COG5: variants seen among roughly 807,000 people sequenced by gnomAD.
COG5 encodes the protein conserved oligomeric Golgi complex subunit 5.
COG5 carries 86 observed loss-of-function variants against 110.4 expected under a neutral mutation model. That is an observed-to-expected ratio of 0.78 (90% CI 0.65 to 0.93). The LOEUF is 0.93. Among genes scored for constraint, COG5 ranks in the 40% least tolerant of loss-of-function variants. The probability of loss-of-function intolerance (pLI) is 0.00; values close to 1 mark genes in which losing one functional copy is unlikely to be tolerated. For synonymous variants in COG5, 360 were observed against 334.6 expected (o/e 1.08, Z -0.83); for missense variants, 1,077 against 987.0 (o/e 1.09, Z -1.22).
At chr7:107,247,260 C>G (rs1802128601) in intron 17 of COG5, among the ~76,000 whole-genome samples, 1 of 152,084 alleles carries the variant, frequency 6.6e-6, no homozygotes, top group Non-Finnish European at 1.5e-5. Context: ...GAAATGATAA[C>G]TACAGGGTAC....
At chr7:107,320,143 T>C (rs181452953) in intron 11 of COG5, among the ~76,000 whole-genome samples, 70 of 152,278 alleles carry the variant, frequency 4.6e-4, no homozygotes, top group South Asian at 1.0e-3. Flanking sequence ...ATAGACAAGA[T>C]AAAAAATTGT....
chr7:107,451,423 T>C (rs1200879100), intron 6 of COG5, among the ~76,000 whole-genome samples: 1 of 152,174 alleles, frequency 6.6e-6, no homozygotes, highest in Admixed American at 6.5e-5. Context: ...CATGGACCCT[T>C]CCATGTTACA....
intron 11 of COG5, among the ~76,000 whole-genome samples, chr7:107,317,535 A>G (rs1808867748): frequency 6.6e-6 from 1 of 152,198 alleles, no homozygotes; most frequent in Admixed American, 6.5e-5. Context: ...TTCACAGGGT[A>G]ATAATTTGAG....
chr7:107,541,728 C>T (rs1436985771), intron 5 of COG5, among the ~76,000 whole-genome samples: 2 of 150,328 alleles, frequency 1.3e-5, no homozygotes, highest in African/African-American at 4.9e-5. Context: ...GTCAGAAGTT[C>T]GAGACCAGCC....
Position 107,474,937 on chromosome 7 carries a change from G to C in COG5, c.538+52300C>G. The C allele has an allele frequency of 6.2e-7, 1 of 1,612,754 alleles. No homozygotes were observed. Among genetic ancestry groups the C allele is most frequent in the Non-Finnish European group, 8.5e-7 (1 of 1,179,368 alleles). On this transcript the variant is annotated intron_variant, in intron 6 of 21. Transcript: ENST00000297135. The surrounding 1 kb of genome is among the most constrained non-coding windows in gnomAD (Gnocchi z 5.7). ...AAGAACTTCAGTTTCTGTAATAATT[G>C]CCCTCCGGCGAGCTGTGAAACGACA...
chr7:107,366,162 T>A (rs1813593430), intron 8 of COG5, among the ~76,000 whole-genome samples: 1 of 151,692 alleles, frequency 6.6e-6, no homozygotes, highest in Non-Finnish European at 1.5e-5. Context: ...ATTATAGAAA[T>A]AAGGACCATA....
chr7:107,236,301 CTT>C (rs200299037), intron 18 of COG5, 147 bp downstream of exon 18: 32 of 571,416 alleles, frequency 5.6e-5, no homozygotes, highest in Middle Eastern at 4.1e-4. Flanking sequence ...TAAACTCTCC[CTT>C]TTTTTTTTTA....
intron 6 of COG5, among the ~76,000 whole-genome samples, chr7:107,488,442 A>G (rs1418474120): frequency 2.6e-5 from 4 of 152,154 alleles, no homozygotes; most frequent in African/African-American, 9.6e-5. Flanking sequence ...GCTTTCTGTT[A>G]TCTTTTATTT....
At chr7:107,296,235 T>A (rs960638010) in intron 12 of COG5, among the ~76,000 whole-genome samples, 1 of 151,662 alleles carries the variant, frequency 6.6e-6, no homozygotes, top group Admixed American at 6.6e-5. Flanking sequence ...ATATATTCAT[T>A]TTACATAAAA....
intron 6 of COG5, among the ~76,000 whole-genome samples, chr7:107,444,254 G>A (rs776904766): frequency 3.9e-5 from 6 of 152,094 alleles, no homozygotes; most frequent in Non-Finnish European, 8.8e-5. Flanking sequence ...CAGTAAACTG[G>A]CTGGTTGCAG....
intron 12 of COG5, among the ~76,000 whole-genome samples, chr7:107,286,670 A>G (rs1805656851): frequency 6.6e-6 from 1 of 152,210 alleles, no homozygotes; most frequent in Non-Finnish European, 1.5e-5. Context: ...TTACCCTAAG[A>G]GAAAACCACT....
At chr7:107,204,012 T>C (rs2116093265) in intron 21 of COG5, among the ~76,000 whole-genome samples, 1 of 152,356 alleles carries the variant, frequency 6.6e-6, no homozygotes, top group Non-Finnish European at 1.5e-5. Context: ...CCTGCGCCTC[T>C]GAAAGGCACG....
At chr7:107,560,570 GAATTCATAATTTACA>G (rs1206693580) in intron 1 of COG5, among the ~76,000 whole-genome samples, 2 of 152,108 alleles carry the variant, frequency 1.3e-5, no homozygotes, top group African/African-American at 4.8e-5. Context: ...TGCCTCCAAG[GAATTCATAATTTACA>G]AGGGGAACAA....
At chr7:107,401,343 T>C (rs1263349494) in intron 7 of COG5, among the ~76,000 whole-genome samples, 2 of 152,168 alleles carry the variant, frequency 1.3e-5, no homozygotes, top group Non-Finnish European at 2.9e-5. Context: ...GTACATATTA[T>C]GTAACTATTA....
At chr7:107,524,556 G>A (rs1018441906) in intron 6 of COG5, among the ~76,000 whole-genome samples, 2 of 152,176 alleles carry the variant, frequency 1.3e-5, no homozygotes, top group Admixed American at 6.5e-5. Flanking sequence ...GTGTATAACT[G>A]TAATAGTGAC....
rs1161117992 is a variant in COG5 at position 107,558,114 on chromosome 7, C to T, written c.96G>A (p.Gly32=). ...CTTCGTTTAAAAAGTCACTATAACACCCTGGATTGGGGAAAAAATAAGGAA... is the reference window on the plus strand; with the variant it reads ...CTTCGTTTAAAAAGTCACTATAACATCCTGGATTGGGGAAAAAATAAGGAA... ...AATVRELLQD[G]CYSDFLNEDF... The change falls in exon 2 of 22, where the codon GGG becomes GGA. Residue 32 remains glycine (G), a splice_region_variant and synonymous_variant. Coordinates refer to ENST00000297135, the MANE Select transcript of COG5 (RefSeq NM_006348.5). 11 of 1,613,410 alleles carry T rather than the reference C, an allele frequency of 6.8e-6. No individual in the cohort carries two copies.
intron 21 of COG5, among the ~76,000 whole-genome samples, chr7:107,206,867 A>ACTT (rs1798822680): frequency 6.6e-6 from 1 of 152,216 alleles, no homozygotes; most frequent in East Asian, 1.9e-4. Context: ...TTATTAAATT[A>ACTT]CTTCATTTGC....
intron 10 of COG5, among the ~76,000 whole-genome samples, chr7:107,343,654 G>A (rs1399840436): frequency 2.0e-5 from 3 of 152,012 alleles, no homozygotes; most frequent in South Asian, 2.1e-4. Context: ...GCACTCCCAC[G>A]TAGAAGACAG....
intron 14 of COG5, among the ~76,000 whole-genome samples, chr7:107,280,404 T>A (rs1805071037): frequency 6.6e-6 from 1 of 152,090 alleles, no homozygotes; most frequent in Non-Finnish European, 1.5e-5. Flanking sequence ...AATCCTTCAG[T>A]ATGTCACCAA....
Sources: allele counts gnomAD v4.1 joint callset (sites outside exome capture counted in the v4.1 genomes callset), GRCh38; gene constraint gnomAD v4.1.1; non-coding constraint Gnocchi (gnomAD v3.1); transcripts MANE v1.5; gene names NCBI Gene and HGNC (gene_info 2026-07-23, HGNC 2026-07-21).